LTA: variants seen among roughly 807,000 people sequenced by gnomAD.
LTA encodes the protein lymphotoxin-alpha.
LTA carries 6 observed loss-of-function variants against 15.1 expected under a neutral mutation model. The observed-to-expected ratio is 0.40, with a 90% CI of 0.22 to 0.78. The LOEUF (loss-of-function observed/expected upper bound fraction) is 0.78, where lower values mean the gene tolerates loss of function less well. LTA is among the 30% of genes least tolerant of loss of function. The pLI is 0.38. For missense variants in LTA, 173 were observed against 249.5 expected (o/e 0.69, Z 2.06); for synonymous variants, 87 against 107.3 (o/e 0.81, Z 1.17).
chr6:31,564,793 A>G, the LTA span, among the ~76,000 whole-genome samples: 7 of 151,078 alleles, frequency 4.6e-5, no homozygotes, highest in African/African-American at 1.5e-4. Flanking sequence ...ATGCGCCTGT[A>G]GTCCTAGCTA....
chr6:31,573,046 C>G lies in LTA; in HGVS notation c.205+13C>G, dbSNP rs781374703. 6.2e-7 allele frequency: 1 copy of G among 1,601,964 alleles called. No homozygotes were observed. Among genetic ancestry groups the G allele is most frequent in the South Asian group, 1.1e-5 (1 of 90,838 alleles). Reference sequence around the variant, plus strand: ...GCTCACCTCATTGGTAAACATCCACCTGACCTCCCAGACATGTCCCCACCA... The same window carrying G: ...GCTCACCTCATTGGTAAACATCCACGTGACCTCCCAGACATGTCCCCACCA... On this transcript the variant is annotated intron_variant, in intron 3 of 3. Transcript: ENST00000418386.
At chr6:31,566,711 C>T in the LTA span, among the ~76,000 whole-genome samples, 85 of 139,806 alleles carry the variant, frequency 6.1e-4, no homozygotes, top group Non-Finnish European at 9.2e-4. Flanking sequence ...GGGAGGCCGA[C>T]GCAAGTGGAT....
chr6:31,572,685 G>T, intron 1 of LTA, 49 bp from the exon 2 acceptor site: 1 of 1,414,070 alleles, frequency 7.1e-7, no homozygotes, highest in Non-Finnish European at 9.9e-7. Flanking sequence ...CTTCCGCCGC[G>T]TGCCCCGCCC....
upstream of LTA, among the ~76,000 whole-genome samples, chr6:31,569,556 G>A (rs1310107488): frequency 1.3e-5 from 2 of 152,278 alleles, no homozygotes; most frequent in Admixed American, 1.3e-4. Flanking sequence ...ACTTTGGGAG[G>A]CCAAGGCTGG....
rs1771013254 is a variant in LTA at position 31,573,995 on chromosome 6, G to C, written c.*302G>C. ...TAGGTGGGGCCTAGATCCACACACA[G>C]AGGAAGAGCAGGCACATGGAGGAGC... On this transcript the variant is annotated 3_prime_UTR_variant, in exon 4 of 4. Transcript: ENST00000418386. 1 of 572,362 alleles carries C rather than the reference G, an allele frequency of 1.7e-6. No individual in the cohort carries two copies. The highest frequency in any genetic ancestry group is 3.2e-6 in the Non-Finnish European group (1 of 316,862). 35.5% of individuals were successfully genotyped at this position (572,362 alleles called of 1,614,324 possible). A position where few individuals can be genotyped will look rare whatever the true frequency, so the allele number is the denominator to read the frequency against.
upstream of LTA, among the ~76,000 whole-genome samples, chr6:31,567,674 A>ACG (rs1554281431): frequency 2.6e-3 from 117 of 45,540 alleles, 1 homozygote; most frequent in East Asian, 4.0e-3. Flanking sequence ...ACACACACAC[A>ACG]CACGCACGCA....
At chr6:31,562,410 CT>C in the LTA span, among the ~76,000 whole-genome samples, 35 of 152,020 alleles carry the variant, frequency 2.3e-4, no homozygotes, top group African/African-American at 7.7e-4. Flanking sequence ...TTACCAGTTC[CT>C]GAAAAAGTGG....
chr6:31,567,867 A>C (rs1168754541), upstream of LTA, among the ~76,000 whole-genome samples: 2 of 151,958 alleles, frequency 1.3e-5, no homozygotes, highest in East Asian at 3.9e-4. Context: ...GTTTGTCGTC[A>C]ACACCCCCAG....
chr6:31,564,175 A>T, the LTA span, among the ~76,000 whole-genome samples: 3 of 152,220 alleles, frequency 2.0e-5, no homozygotes, highest in Non-Finnish European at 2.9e-5. Context: ...GGTGGCTAAA[A>T]TGGAGGAGGG....
the LTA span, among the ~76,000 whole-genome samples, chr6:31,564,758 A>G: frequency 6.8e-6 from 1 of 147,322 alleles, no homozygotes; most frequent in Non-Finnish European, 1.5e-5. Context: ...AAAAAAAAAT[A>G]CAAAACTTAG....
At chr6:31,568,838 G>A (rs71647805), upstream of LTA, among the ~76,000 whole-genome samples, 1 of 152,200 alleles carries the variant, frequency 6.6e-6, no homozygotes, top group Non-Finnish European at 1.5e-5. This position sits in a 1 kb window ranked among gnomAD's most constrained non-coding sequence, Gnocchi z 4.1. Flanking sequence ...CTGAGCCTCA[G>A]CCCAGTCTTA....
At chr6:31,562,985 T>C in the LTA span, among the ~76,000 whole-genome samples, 1 of 149,224 alleles carries the variant, frequency 6.7e-6, no homozygotes, top group African/African-American at 2.5e-5. Flanking sequence ...CATAGTGAAA[T>C]GCTGTCTTTA....
upstream of LTA, among the ~76,000 whole-genome samples, chr6:31,571,092 G>A (rs1221070926): frequency 7.0e-6 from 1 of 143,880 alleles, no homozygotes; most frequent in Admixed American, 7.1e-5. Flanking sequence ...ACAGAGTCTT[G>A]CTCTGTCCCC....
At position 31,573,329 on chromosome 6, in the gene LTA, G is replaced by T. The variant is rs148093456; in HGVS notation, c.254G>T (p.Arg85Leu). The T allele has an allele frequency of 6.2e-7, 1 of 1,613,696 alleles. No individual in the cohort carries two copies. The highest frequency in any genetic ancestry group is 2.2e-5 in the East Asian group (1 of 44,868). ...CTGCTCTGGAGAGCAAACACGGACC[G>T]TGCCTTCCTCCAGGATGGTTTCTCC... ...NSLLWRANTD[R>L]AFLQDGFSLS... Residue 85 changes from arginine to leucine, a missense_variant, in exon 4 of 4, where the codon CGT (arginine) becomes CTT (leucine). By Grantham distance (102) the Arg-to-Leu change is moderately radical. Coordinates refer to ENST00000418386, the MANE Select transcript of LTA (RefSeq NM_000595.4).
At chr6:31,564,132 G>C in the LTA span, among the ~76,000 whole-genome samples, 1 of 152,200 alleles carries the variant, frequency 6.6e-6, no homozygotes. Flanking sequence ...TCTTCCAAGT[G>C]ATGCTGGGGT....
chr6:31,572,814 G>C lies in LTA; in HGVS notation c.72G>C (p.Leu24=). The C allele has an allele frequency of 6.2e-7, 1 of 1,611,372 alleles. No homozygotes were observed. ...CCCTACACCTCCTCCTTCTGGGGCT[G>C]CTGCTGGTTCTGCTGCCTGGGGCCC... ...GTTLHLLLLG[L]LLVLLPGAQG... is the part of the protein sequence containing the mutation. The change falls in exon 2 of 4, where the codon CTG becomes CTC. Residue 24 remains leucine, a synonymous_variant. Transcript: ENST00000418386.
At chr6:31,571,780 A>G (rs1422357179), upstream of LTA, among the ~76,000 whole-genome samples, 1 of 152,238 alleles carries the variant, frequency 6.6e-6, no homozygotes, top group African/African-American at 2.4e-5. Context: ...GGGATATATA[A>G]TGGACCTTCT....
Position 31,573,696 on chromosome 6 carries a change from C to A in LTA, c.*3C>A. On this transcript the variant is annotated 3_prime_UTR_variant, in exon 4 of 4. Coordinates refer to ENST00000418386, the MANE Select transcript of LTA (RefSeq NM_000595.4). ...TCTTTGGAGCCTTCGCTCTGTAGAA[C>A]TTGGAAAAATCCAGAAAGAAAAAAT... 1 of 1,613,694 alleles carries A rather than the reference C, an allele frequency of 6.2e-7. No individual in the cohort carries two copies. The highest frequency in any genetic ancestry group is 8.5e-7 in the Non-Finnish European group (1 of 1,179,776).
intron 1 of LTA, 108 bp downstream of exon 1, chr6:31,572,554 C>T: frequency 1.7e-6 from 1 of 600,732 alleles, no homozygotes; most frequent in African/African-American, 1.9e-5. Context: ...CTGTTCCCTT[C>T]CTGTCTCTCT....
Sources: gnomAD v4.1 joint callset for allele counts (sites outside exome capture counted in the v4.1 genomes callset) on GRCh38, gnomAD v4.1.1 for gene constraint, Gnocchi (gnomAD v3.1) non-coding constraint, MANE v1.5 for transcripts, NCBI Gene and HGNC (gene_info 2026-07-23, HGNC 2026-07-21) for gene names.